Variants in RAD23B observed in about 807,000 individuals in gnomAD.
RAD23B encodes RAD23 nucleotide excision repair protein B.
In RAD23B, 5 loss-of-function variants were observed where a neutral mutation model predicts 49.1. The observed-to-expected ratio is 0.10, with a 90% confidence interval of 0.05 to 0.21. The LOEUF is 0.21. Ranked by LOEUF, RAD23B falls within the 10% of genes least tolerant of loss-of-function variation. The probability of loss-of-function intolerance (pLI) is 1.00; values close to 1 mark genes in which losing one functional copy is unlikely to be tolerated. For missense variants in RAD23B, 356 were observed against 486.7 expected (o/e 0.73, Z 2.53); for synonymous variants, 184 against 165.4 (o/e 1.11, Z -0.86).
At chr9:107,306,047 A>ATATC (rs1340892314) in intron 3 of RAD23B, among the ~76,000 whole-genome samples, 1 of 18,396 alleles carries the variant, frequency 5.4e-5, no homozygotes, top group South Asian at 1.5e-3. Context: ...GATACGGTTT[A>ATATC]TATCTATATA....
Position 107,331,362 on chromosome 9 carries a change from G to T in RAD23B, c.*1706G>T, listed in dbSNP as rs896934059. 8.2e-6 allele frequency: 2 copies of T among 243,568 alleles called. No individual in the cohort carries two copies. The highest frequency in any genetic ancestry group is 4.5e-5 in the African/African-American group (2 of 44,454). The allele number at this position is 243,568 out of a possible 1,614,324, so 15.1% of individuals were successfully genotyped here. ...TACTAAAAATACAAAAAATAGCCAG[G>T]CATGGTGGCGCACGCCTGTGGTCCC... On this transcript the variant is annotated 3_prime_UTR_variant, in exon 10 of 10. Transcript: ENST00000358015.
chr9:107,292,058 CTT>C (rs1188822525), intron 1 of RAD23B, among the ~76,000 whole-genome samples: 1 of 152,126 alleles, frequency 6.6e-6, no homozygotes, highest in East Asian at 1.9e-4. Flanking sequence ...TCCCTCTAGT[CTT>C]TTCAAAAAAT....
chr9:107,288,175 A>G (rs1312841940), intron 1 of RAD23B, among the ~76,000 whole-genome samples: 1 of 152,122 alleles, frequency 6.6e-6, no homozygotes, highest in East Asian at 1.9e-4. Context: ...TTTAGTAAAG[A>G]TCTTTGAATG....
chr9:107,302,779 C>T (rs140787276), intron 3 of RAD23B, among the ~76,000 whole-genome samples: 3,353 of 151,888 alleles, frequency 0.022, 117 homozygotes, highest in African/African-American at 0.074. Flanking sequence ...CCTCAGCCTC[C>T]CTAGTAGCTG....
intron 3 of RAD23B, among the ~76,000 whole-genome samples, chr9:107,304,944 T>C (rs1826730192): frequency 6.6e-6 from 1 of 152,196 alleles, no homozygotes. Context: ...AATACATGTT[T>C]TATATGTTAC....
intron 9 of RAD23B, among the ~76,000 whole-genome samples, chr9:107,327,633 A>G (rs564523583): frequency 2.6e-5 from 4 of 152,298 alleles, no homozygotes; most frequent in South Asian, 2.1e-4. Flanking sequence ...TATACTTTCA[A>G]TACTTTTCAA....
At chr9:107,326,995 A>G (rs779875750) in intron 9 of RAD23B, among the ~76,000 whole-genome samples, 16 of 151,968 alleles carry the variant, frequency 1.1e-4, no homozygotes, top group South Asian at 2.1e-4. Flanking sequence ...GAATTTGTCT[A>G]TTTTATCTAA....
intron 3 of RAD23B, among the ~76,000 whole-genome samples, chr9:107,304,469 A>C (rs754004812): frequency 1.7e-4 from 26 of 152,180 alleles, no homozygotes; most frequent in Non-Finnish European, 2.9e-4. Flanking sequence ...AATCTGCAGA[A>C]TATTATATTG....
chr9:107,289,563 G>T (rs150227904), intron 1 of RAD23B, among the ~76,000 whole-genome samples: 1 of 152,088 alleles, frequency 6.6e-6, no homozygotes, highest in African/African-American at 2.4e-5. Context: ...AGAGACATCA[G>T]TTAGGGGGCT....
At position 107,331,747 on chromosome 9, in the gene RAD23B, T is replaced by A. The variant is rs1402742172; in HGVS notation, c.*2091T>A. 1.3e-6 allele frequency: 1 copy of A among 775,638 alleles called. No individual in the cohort carries two copies. Among genetic ancestry groups the A allele is most frequent in the Non-Finnish European group, 2.4e-6 (1 of 417,008 alleles). The allele number at this position is 775,638 out of a possible 1,614,324, so 48.0% of individuals were successfully genotyped here. ...ACAGCAGAAGGTGGCATGGAGCTTG[T>A]GTCCTTGGACAACAAATCTGGATAT... On this transcript the variant is annotated 3_prime_UTR_variant, in exon 10 of 10. Transcript: ENST00000358015.
chr9:107,329,084 TAAAAC>T (rs1180762276), intron 9 of RAD23B, among the ~76,000 whole-genome samples: 5 of 152,182 alleles, frequency 3.3e-5, no homozygotes, highest in Non-Finnish European at 7.3e-5. Context: ...CATTAATAAA[TAAAAC>T]ATAATTTGCT....
At chr9:107,304,293 G>A (rs1265491935) in intron 3 of RAD23B, among the ~76,000 whole-genome samples, 1 of 152,178 alleles carries the variant, frequency 6.6e-6, no homozygotes, top group African/African-American at 2.4e-5. Context: ...AATATTAAAT[G>A]AGTATACCAC....
rs960549332 is a variant in RAD23B at position 107,332,110 on chromosome 9, C to T, written c.*2454C>T. On this transcript the variant is annotated 3_prime_UTR_variant, in exon 10 of 10. Coordinates refer to ENST00000358015, the MANE Select transcript of RAD23B (RefSeq NM_002874.5). ...AATTTTTTTTCATTGTTTAAAAATA[C>T]GGAAGTGTTCCAATATAATTTTTTC... is the stretch of plus-strand genomic sequence containing the variant. 5 of 211,926 alleles carry T rather than the reference C, an allele frequency of 2.4e-5. No individual in the cohort carries two copies. The highest frequency in any genetic ancestry group is 1.1e-4 in the Admixed American group (2 of 17,484). 13.1% of individuals were successfully genotyped at this position (211,926 alleles called of 1,614,324 possible). A position where few individuals can be genotyped will look rare whatever the true frequency, so the allele number is the denominator to read the frequency against.
chr9:107,284,226 A>G (rs889589608), intron 1 of RAD23B: 1 of 985,492 alleles, frequency 1.0e-6, no homozygotes, highest in Non-Finnish European at 1.2e-6. Flanking sequence ...CTTTCCCCTC[A>G]GAATTGTTTA....
chr9:107,302,126 C>T lies in RAD23B; in HGVS notation c.228+12C>T. 1 of 1,611,320 alleles carries T rather than the reference C, an allele frequency of 6.2e-7. No individual in the cohort carries two copies. Among genetic ancestry groups the T allele is most frequent in the Non-Finnish European group, 8.5e-7 (1 of 1,179,308 alleles). ...TTATGGTGACCAAAGTAAGTTTCAA[C>T]CTCATTCTGTATATCTTTATGCATG... is the stretch of plus-strand genomic sequence containing the variant. On this transcript the variant is annotated intron_variant, in intron 3 of 9. Coordinates refer to ENST00000358015, the MANE Select transcript of RAD23B (RefSeq NM_002874.5).
At chr9:107,287,195 A>G (rs7031904) in intron 1 of RAD23B, among the ~76,000 whole-genome samples, 113,399 of 151,750 alleles carry the variant, frequency 0.75, 43,319 homozygotes, top group African/African-American at 0.92. Flanking sequence ...GTTGCTTAAA[A>G]ACATTAAGAA....
intron 5 of RAD23B, among the ~76,000 whole-genome samples, chr9:107,316,557 G>A (rs1025192393): frequency 6.6e-6 from 1 of 152,084 alleles, no homozygotes; most frequent in Non-Finnish European, 1.5e-5. Flanking sequence ...CAGTAGATAA[G>A]AAAATAAATA....
chr9:107,308,064 A>G (rs756906808), intron 4 of RAD23B, among the ~76,000 whole-genome samples: 98 of 152,194 alleles, frequency 6.4e-4, no homozygotes, highest in Non-Finnish European at 1.0e-3. Context: ...TACAAACTTA[A>G]TATGTCTTAA....
At chr9:107,283,735 G>C in intron 1 of RAD23B, 40 bp downstream of exon 1, 1 of 1,390,140 alleles carries the variant, frequency 7.2e-7, no homozygotes, top group Non-Finnish European at 9.4e-7. Context: ...CCGCGTGCGG[G>C]CCGCGGGGAG....
Sources: gnomAD v4.1 joint callset for allele counts (sites outside exome capture counted in the v4.1 genomes callset) on GRCh38, gnomAD v4.1.1 for gene constraint, MANE v1.5 for transcripts, NCBI Gene and HGNC (gene_info 2026-07-23, HGNC 2026-07-21) for gene names.